RELN: variants seen among roughly 807,000 people sequenced by gnomAD.
RELN encodes reelin.
RELN carries 108 observed loss-of-function variants against 427.6 expected under a neutral mutation model. That is an observed-to-expected ratio of 0.25 (90% CI 0.22 to 0.30). RELN has a LOEUF of 0.30. Ranked by LOEUF, RELN falls within the 10% of genes least tolerant of loss-of-function variation. RELN has a pLI of 1.00. For synonymous variants in RELN, 1,524 were observed against 1,513.4 expected, an observed-to-expected ratio of 1.01 and a Z score of -0.16; for missense variants, 3,715 against 4,302.8, an observed-to-expected ratio of 0.86 and a Z score of 3.82.
At chr7:103,743,590 CA>C in intron 6 of RELN, among the ~76,000 whole-genome samples, 1 of 151,792 alleles carries the variant, frequency 6.6e-6, no homozygotes, top group Non-Finnish European at 1.5e-5. Context: ...AATGGAAAAC[CA>C]AAAAAGGCAG....
At chr7:103,954,626 C>T (rs1345225482) in intron 1 of RELN, among the ~76,000 whole-genome samples, 1 of 152,100 alleles carries the variant, frequency 6.6e-6, no homozygotes, top group African/African-American at 2.4e-5. Flanking sequence ...ATTAGAATTA[C>T]CAAATACCCT....
intron 2 of RELN, among the ~76,000 whole-genome samples, chr7:103,836,592 C>T (rs1020178344): frequency 3.0e-4 from 45 of 152,190 alleles, no homozygotes; most frequent in Non-Finnish European, 3.1e-4. Context: ...CCTTCTTGCA[C>T]TCTGCACACC....
intron 3 of RELN, among the ~76,000 whole-genome samples, chr7:103,829,317 C>T (rs956317900): frequency 6.6e-6 from 1 of 151,354 alleles, no homozygotes; most frequent in Non-Finnish European, 1.5e-5. Flanking sequence ...TCCCTCCTTC[C>T]TCCTCTCCTC....
chr7:103,564,173 A>T (rs973587233), intron 34 of RELN, among the ~76,000 whole-genome samples: 17 of 152,376 alleles, frequency 1.1e-4, no homozygotes, highest in African/African-American at 4.1e-4. Context: ...AGTAAGCACT[A>T]TTTAAAGCTT....
chr7:103,647,807 A>G (rs1235901300), intron 16 of RELN, among the ~76,000 whole-genome samples: 1 of 152,140 alleles, frequency 6.6e-6, no homozygotes, highest in Non-Finnish European at 1.5e-5. Flanking sequence ...AAATTATACT[A>G]CAAGACTATA....
At position 103,498,108 on chromosome 7, in the gene RELN, C is replaced by T. The variant is rs754156411; in HGVS notation, c.8812G>A (p.Val2938Ile). 1.2e-6 allele frequency: 2 copies of T among 1,614,126 alleles called. No individual in the cohort carries two copies. The highest frequency in any genetic ancestry group is 1.1e-5 in the South Asian group (1 of 91,086). The change falls in exon 54 of 65, where the codon GTT (valine) becomes ATT (isoleucine). Residue 2938 changes from valine to isoleucine, a missense_variant. Transcript: ENST00000428762. ...CCTCGAAGATCCAAATCTTGTGTAA[C>T]CGCTTGTCTCACAGTGGATCCCCCA... ...YFGGSTVRQA[V>I]TQDLDLRGAK...
intron 6 of RELN, among the ~76,000 whole-genome samples, chr7:103,747,562 A>G (rs945613623): frequency 1.3e-5 from 2 of 151,500 alleles, no homozygotes; most frequent in African/African-American, 2.4e-5. Flanking sequence ...GGGTAGTCTG[A>G]TATCAGGGCC....
At chr7:103,885,983 TTCTCTTCC>T in intron 2 of RELN, among the ~76,000 whole-genome samples, 1 of 152,116 alleles carries the variant, frequency 6.6e-6, no homozygotes, top group Non-Finnish European at 1.5e-5. Context: ...ATCACCATTT[TTCTCTTCC>T]AAAAAGAAGT....
intron 19 of RELN, among the ~76,000 whole-genome samples, chr7:103,630,869 T>TTTG (rs1554394472): frequency 6.7e-6 from 1 of 149,912 alleles, no homozygotes; most frequent in Non-Finnish European, 1.5e-5. Flanking sequence ...TGTTTTTTTT[T>TTTG]TTTTTGTTTT....
intron 22 of RELN, among the ~76,000 whole-genome samples, chr7:103,605,110 G>A (rs749602419): frequency 2.3e-4 from 35 of 152,302 alleles, no homozygotes; most frequent in African/African-American, 6.5e-4. Flanking sequence ...GATTACAGGC[G>A]TAAGCCACCG....
chr7:103,769,483 C>T (rs568543498), intron 4 of RELN, among the ~76,000 whole-genome samples: 3 of 152,276 alleles, frequency 2.0e-5, no homozygotes, highest in African/African-American at 7.2e-5. Flanking sequence ...TCCCAGCCTT[C>T]GGAACTGTGA....
intron 5 of RELN, among the ~76,000 whole-genome samples, chr7:103,751,692 C>A (rs1453055197): frequency 6.6e-6 from 1 of 152,188 alleles, no homozygotes; most frequent in East Asian, 1.9e-4. Flanking sequence ...GTCTTGGCTG[C>A]CAGAAGGCAT....
intron 56 of RELN, 91 bp downstream of exon 56, chr7:103,496,435 T>A: frequency 6.4e-7 from 1 of 1,550,656 alleles, no homozygotes; most frequent in Non-Finnish European, 8.9e-7. Context: ...TAGGCACTCT[T>A]ATAAATGCTT....
chr7:103,535,808 G>A (rs1467292763), intron 45 of RELN, among the ~76,000 whole-genome samples: 1 of 152,056 alleles, frequency 6.6e-6, no homozygotes, highest in Admixed American at 6.6e-5. Context: ...TTCACATACA[G>A]TTACATTATT....
At chr7:103,583,872 C>T (rs554684916) in intron 28 of RELN, among the ~76,000 whole-genome samples, 2 of 152,186 alleles carry the variant, frequency 1.3e-5, no homozygotes, top group African/African-American at 4.8e-5. Flanking sequence ...CTGACACTAG[C>T]ATGGGTGGTG....
At chr7:103,584,645 G>GATAGATC (rs566987092) in intron 28 of RELN, among the ~76,000 whole-genome samples, 95 of 152,136 alleles carry the variant, frequency 6.2e-4, no homozygotes, top group African/African-American at 2.2e-3. Flanking sequence ...GACATCACTA[G>GATAGATC]ATAGATCACT....
chr7:103,647,057 C>T (rs936812110), intron 16 of RELN, among the ~76,000 whole-genome samples: 9 of 151,684 alleles, frequency 5.9e-5, no homozygotes, highest in Admixed American at 6.6e-5. Context: ...TAGAACATAC[C>T]TCAAAATAAT....
intron 6 of RELN, among the ~76,000 whole-genome samples, chr7:103,736,671 C>T (rs910548579): frequency 2.6e-5 from 4 of 152,178 alleles, no homozygotes; most frequent in African/African-American, 7.2e-5. Context: ...ATTCTGACCT[C>T]CTACTATGGT....
intron 2 of RELN, among the ~76,000 whole-genome samples, chr7:103,911,804 T>C (rs1157574870): frequency 1.3e-4 from 16 of 122,728 alleles, no homozygotes; most frequent in Middle Eastern, 4.3e-3. Context: ...AATTGAACAA[T>C]GAGATCACAT....
Sources: gnomAD v4.1 joint callset for allele counts (sites outside exome capture counted in the v4.1 genomes callset) on GRCh38, gnomAD v4.1.1 for gene constraint, MANE v1.5 for transcripts, NCBI Gene and HGNC (gene_info 2026-07-23, HGNC 2026-07-21) for gene names.